Variants in MAEL observed in about 807,000 individuals in gnomAD.
The protein encoded by MAEL is maelstrom spermatogenic transposon silencer.
Under a neutral mutation model 62.0 loss-of-function variants are expected in MAEL, and 46 were observed. The observed-to-expected ratio is 0.74, with a 90% CI of 0.59 to 0.95. The LOEUF (loss-of-function observed/expected upper bound fraction) is 0.95. MAEL is among the 40% of genes least tolerant of loss of function. The pLI is 0.00. For missense variants in MAEL, 497 were observed against 526.8 expected (o/e 0.94, Z 0.55); for synonymous variants, 172 against 175.5 (o/e 0.98, Z 0.16).
At chr1:166,998,551 G>T (rs1664523189) in intron 5 of MAEL, among the ~76,000 whole-genome samples, 1 of 151,898 alleles carries the variant, frequency 6.6e-6, no homozygotes, top group African/African-American at 2.4e-5. Context: ...AATTTGCTTT[G>T]TCTTAGTATG....
intron 5 of MAEL, among the ~76,000 whole-genome samples, chr1:167,002,738 A>C (rs1456856025): frequency 1.3e-5 from 2 of 152,194 alleles, no homozygotes; most frequent in Admixed American, 6.5e-5. Flanking sequence ...TTTACAGTTG[A>C]CTTCACAGCA....
At position 166,991,416 on chromosome 1, in the gene MAEL, T is replaced by C. The variant is rs1480181509; in HGVS notation, c.264T>C (p.Leu88=). The C allele has an allele frequency of 6.2e-7, 1 of 1,613,522 alleles. No individual in the cohort carries two copies. Among genetic ancestry groups the C allele is most frequent in the Non-Finnish European group, 8.5e-7 (1 of 1,179,634 alleles). Residue 88 remains leucine, a synonymous_variant, in exon 3 of 12, where the codon CTT becomes CTC. Transcript: ENST00000367872. The part of the protein sequence containing the change: ...VFTPLRRPGM[L]VPKQNVSPPD... ...CACCACTGAGGAGGCCAGGCATGCT[T>C]GTACCAAAGCAGAATGTTTCACCTC...
intron 8 of MAEL, among the ~76,000 whole-genome samples, chr1:167,011,753 G>T (rs1393576372): frequency 6.6e-6 from 1 of 152,132 alleles, no homozygotes; most frequent in African/African-American, 2.4e-5. Context: ...AATTAAATTT[G>T]TACATGGTTA....
At chr1:167,001,622 A>G (rs1664673213) in intron 5 of MAEL, among the ~76,000 whole-genome samples, 1 of 152,212 alleles carries the variant, frequency 6.6e-6, no homozygotes, top group Non-Finnish European at 1.5e-5. Flanking sequence ...TTTGTGTGAC[A>G]CTTTATTTCA....
At chr1:166,983,156 A>G (rs554030016) in intron 1 of MAEL, among the ~76,000 whole-genome samples, 12 of 152,182 alleles carry the variant, frequency 7.9e-5, no homozygotes, top group African/African-American at 2.4e-4. Flanking sequence ...GCTTTTTTCT[A>G]TTCAACCTAT....
chr1:167,010,298 C>T (rs1253215863), intron 8 of MAEL, among the ~76,000 whole-genome samples: 2 of 152,114 alleles, frequency 1.3e-5, no homozygotes, highest in African/African-American at 2.4e-5. Context: ...TTATAAATTA[C>T]CCAGTCTCAA....
upstream of MAEL, among the ~76,000 whole-genome samples, chr1:166,987,414 G>A (rs1327686591): frequency 1.3e-5 from 2 of 152,122 alleles, no homozygotes; most frequent in Non-Finnish European, 2.9e-5. Flanking sequence ...CAATTTATCA[G>A]TTCACCTGTT....
intron 5 of MAEL, among the ~76,000 whole-genome samples, chr1:167,000,952 CAT>C (rs1393026855): frequency 5.3e-5 from 8 of 152,346 alleles, no homozygotes; most frequent in South Asian, 4.1e-4. Flanking sequence ...CTTGCACACA[CAT>C]GTTTATAACA....
chr1:166,990,030 T>C (rs1025988323), intron 2 of MAEL: 8 of 545,502 alleles, frequency 1.5e-5, no homozygotes, highest in African/African-American at 9.6e-5. Flanking sequence ...CATGCACACA[T>C]TGGTGTAATT....
chr1:167,016,798 G>A (rs1156356284), intron 9 of MAEL, among the ~76,000 whole-genome samples: 8 of 152,028 alleles, frequency 5.3e-5, no homozygotes, highest in African/African-American at 1.9e-4. Flanking sequence ...GTACTATTCA[G>A]CCATTAAAAA....
chr1:166,990,042 G>T, intron 2 of MAEL: 1 of 527,754 alleles, frequency 1.9e-6, no homozygotes. Context: ...GGTGTAATTT[G>T]ATGGTGAAAG....
At chr1:166,996,750 A>G (rs976304126) in intron 5 of MAEL, among the ~76,000 whole-genome samples, 3 of 152,280 alleles carry the variant, frequency 2.0e-5, no homozygotes, top group African/African-American at 7.2e-5. Context: ...TGATGTGTTT[A>G]ATTTTACTTG....
At chr1:167,013,734 G>A (rs899945830) in intron 8 of MAEL, among the ~76,000 whole-genome samples, 5 of 152,120 alleles carry the variant, frequency 3.3e-5, no homozygotes, top group East Asian at 1.9e-4. Flanking sequence ...CTACAAAGCC[G>A]AGTGTTCCAT....
intron 9 of MAEL, 86 bp downstream of exon 9, chr1:167,016,370 C>T (rs1036126485): frequency 2.0e-5 from 25 of 1,241,712 alleles, no homozygotes; most frequent in South Asian, 1.8e-4. Flanking sequence ...CTTTGGCAAT[C>T]GGGGTAACTC....
chr1:167,012,649 A>G (rs978470130), intron 8 of MAEL: 2 of 152,254 alleles, frequency 1.3e-5, no homozygotes, highest in Non-Finnish European at 2.9e-5. Flanking sequence ...ACACTCTGAC[A>G]GAGAAGAATG....
intron 8 of MAEL, among the ~76,000 whole-genome samples, chr1:167,008,270 C>A (rs974353904): frequency 1.1e-4 from 16 of 152,060 alleles, no homozygotes; most frequent in Non-Finnish European, 2.9e-5. Context: ...TTTGTAGGAG[C>A]AGTTCCTTGA....
At chr1:167,005,815 C>T (rs1432752731) in intron 8 of MAEL, 1 of 152,532 alleles carries the variant, frequency 6.6e-6, no homozygotes, top group Non-Finnish European at 1.5e-5. Context: ...TCCTTAATTG[C>T]TAACATTTTA....
At chr1:166,997,417 G>GT (rs1664476428) in intron 5 of MAEL, among the ~76,000 whole-genome samples, 1 of 152,162 alleles carries the variant, frequency 6.6e-6, no homozygotes, top group East Asian at 1.9e-4. Context: ...ATTTGAGGAA[G>GT]TTTATCTTAT....
upstream of MAEL, among the ~76,000 whole-genome samples, chr1:166,984,251 GC>G (rs1227235246): frequency 6.6e-6 from 1 of 152,112 alleles, no homozygotes; most frequent in Non-Finnish European, 1.5e-5. Flanking sequence ...TTTGAGCCCA[GC>G]CTTTCCTTTC....
Sources: allele counts gnomAD v4.1 joint callset (sites outside exome capture counted in the v4.1 genomes callset), GRCh38; gene constraint gnomAD v4.1.1; transcripts MANE v1.5; gene names NCBI Gene and HGNC (gene_info 2026-07-23, HGNC 2026-07-21).